UBE2Z: variants seen among roughly 807,000 people sequenced by gnomAD.
UBE2Z encodes the protein ubiquitin-conjugating enzyme E2 Z.
A neutral mutation model predicts 32.6 loss-of-function variants in UBE2Z; 10 were observed. The observed-to-expected ratio is 0.31, with a 90% CI of 0.19 to 0.52. The LOEUF (loss-of-function observed/expected upper bound fraction) is 0.52, where lower values mean the gene tolerates loss of function less well. UBE2Z is among the 20% of genes least tolerant of loss of function. The probability of loss-of-function intolerance (pLI) is 0.97; values close to 1 mark genes in which losing one functional copy is unlikely to be tolerated. For synonymous variants in UBE2Z, 183 were observed against 190.8 expected (o/e 0.96, Z 0.34); for missense variants, 343 against 480.9 (o/e 0.71, Z 2.68).
intron 2 of UBE2Z, chr17:48,912,352 T>C (rs985940741): frequency 1.9e-5 from 3 of 155,788 alleles, no homozygotes; most frequent in African/African-American, 7.2e-5. Flanking sequence ...TTGCATCATA[T>C]GCATGTTTGG....
chr17:48,912,508 T>C (rs1214568704), intron 2 of UBE2Z: 1 of 253,032 alleles, frequency 4.0e-6, no homozygotes, highest in Admixed American at 5.2e-5. Context: ...ATCAGGGAGG[T>C]CTGCACAAAA....
At chr17:48,918,311 A>G (rs554862286) in intron 4 of UBE2Z, among the ~76,000 whole-genome samples, 1 of 152,286 alleles carries the variant, frequency 6.6e-6, no homozygotes, top group African/African-American at 2.4e-5. Flanking sequence ...AACAAAGGAT[A>G]ATAAAATGCC....
intron 3 of UBE2Z, 60 bp downstream of exon 3, chr17:48,913,081 C>G: frequency 6.6e-7 from 1 of 1,526,458 alleles, no homozygotes; most frequent in Non-Finnish European, 9.0e-7. Flanking sequence ...TCTAGGTCAG[C>G]CTTTATCAAC....
At chr17:48,910,708 C>T in intron 1 of UBE2Z, 100 bp from the exon 2 acceptor site, 1 of 900,444 alleles carries the variant, frequency 1.1e-6, no homozygotes, top group Non-Finnish European at 1.9e-6. Context: ...CTTTCTCAAA[C>T]CCTGGCCTCA....
intron 2 of UBE2Z, chr17:48,912,516 A>C (rs1018731294): frequency 1.4e-5 from 4 of 278,922 alleles, no homozygotes; most frequent in East Asian, 6.4e-5. Context: ...GGTCTGCACA[A>C]AAAAAAAAAA....
Position 48,910,830 on chromosome 17 carries a change from G to T in UBE2Z, c.340G>T (p.Glu114Ter). 1 of 1,613,254 alleles carries T rather than the reference G, an allele frequency of 6.2e-7. No homozygotes were observed. The highest frequency in any genetic ancestry group is 8.5e-7 in the Non-Finnish European group (1 of 1,179,524). The change falls in exon 2 of 7, where the codon GAG (glutamate) becomes TAG (stop). Residue 114 changes from glutamate to a stop codon, truncating the protein, a stop_gained. Coordinates refer to ENST00000360943, the MANE Select transcript of UBE2Z (RefSeq NM_023079.5). LOFTEE classifies it high-confidence loss of function. Reference sequence around the variant, plus strand: ...CAGGGATATCATGTCCATTTATAAGGAGCCTCCTCCAGGAATGTTCGTTGT... The same window carrying T: ...CAGGGATATCATGTCCATTTATAAGTAGCCTCCTCCAGGAATGTTCGTTGT... The part of the protein sequence containing the change: ...IKRDIMSIYK[E>*]PPPGMFVVPD...
chr17:48,911,178 T>G (rs949171408), intron 2 of UBE2Z: 3 of 364,358 alleles, frequency 8.2e-6, no homozygotes, highest in African/African-American at 6.1e-5. Context: ...TGCTCCTGTT[T>G]GGATAATAAA....
intron 2 of UBE2Z, 82 bp downstream of exon 2, chr17:48,910,962 C>G (rs1270830829): frequency 1.5e-5 from 17 of 1,100,084 alleles, no homozygotes; most frequent in Non-Finnish European, 2.4e-5. Context: ...GATTATTCAG[C>G]TCACCTCTCC....
At chr17:48,913,178 A>T (rs936085495) in intron 3 of UBE2Z, among the ~76,000 whole-genome samples, 157 bp downstream of exon 3, 1 of 152,180 alleles carries the variant, frequency 6.6e-6, no homozygotes, top group South Asian at 2.1e-4. Flanking sequence ...GACTAGTATC[A>T]TTCTAGATGC....
intron 1 of UBE2Z, among the ~76,000 whole-genome samples, chr17:48,909,160 C>T (rs2040655132): frequency 6.6e-6 from 1 of 150,924 alleles, no homozygotes; most frequent in Non-Finnish European, 1.5e-5. Context: ...AACGCCCCCT[C>T]CCGCCTTCGG....
chr17:48,914,856 A>G (rs1329997529), intron 3 of UBE2Z, among the ~76,000 whole-genome samples: 1 of 152,082 alleles, frequency 6.6e-6, no homozygotes, highest in Non-Finnish European at 1.5e-5. Flanking sequence ...CCCCGTCTCT[A>G]CTAAAAATAC....
chr17:48,921,826 C>T lies in UBE2Z; in HGVS notation c.803+554C>T, dbSNP rs143812126. 4.0e-3 allele frequency among the ~76,000 whole-genome samples: 609 copies of T among 151,914 alleles called. 1 individual carries two copies. Among genetic ancestry groups the T allele is most frequent in the Non-Finnish European group, 6.3e-3 (428 of 67,950 alleles). On this transcript the variant is annotated intron_variant, in intron 5 of 6. Transcript: ENST00000360943. The stretch of plus-strand genomic sequence containing the variant: ...GGAGGATCACTTGAGCCCAAGAGTT[C>T]GAGACCAGCCTGGGCAACACAGGGA...
intron 6 of UBE2Z, among the ~76,000 whole-genome samples, chr17:48,924,733 C>CTCATGCCTG (rs2040785553): frequency 1.3e-5 from 2 of 148,612 alleles, no homozygotes; most frequent in South Asian, 4.3e-4. Flanking sequence ...GTAATCTCAG[C>CTCATGCCTG]TACTTGGGAA....
chr17:48,917,687 G>A (rs1299827965), intron 4 of UBE2Z, among the ~76,000 whole-genome samples: 2 of 152,170 alleles, frequency 1.3e-5, no homozygotes, highest in Non-Finnish European at 2.9e-5. Flanking sequence ...ATAATTTCTT[G>A]TTTAACCTTC....
intron 1 of UBE2Z, 142 bp downstream of exon 1, chr17:48,908,962 C>A (rs866439998): frequency 2.2e-5 from 11 of 509,268 alleles, no homozygotes; most frequent in African/African-American, 2.1e-4. Flanking sequence ...ATCTTGCCAG[C>A]TCCGGGCGTC....
chr17:48,909,419 C>T (rs974158615), intron 1 of UBE2Z, among the ~76,000 whole-genome samples: 1 of 152,022 alleles, frequency 6.6e-6, no homozygotes, highest in African/African-American at 2.4e-5. Context: ...ACCCCTTTTC[C>T]AGTGTCCCAA....
intron 4 of UBE2Z, among the ~76,000 whole-genome samples, chr17:48,919,110 A>T (rs1039609617): frequency 4.0e-5 from 6 of 151,020 alleles, no homozygotes; most frequent in East Asian, 1.9e-4. Context: ...TTATTTATTT[A>T]TTTTTTATTT....
intron 4 of UBE2Z, among the ~76,000 whole-genome samples, chr17:48,917,036 G>A (rs2040725681): frequency 6.6e-6 from 1 of 151,946 alleles, no homozygotes; most frequent in South Asian, 2.1e-4. Flanking sequence ...GCCAGGCGCG[G>A]TGGCTCACAC....
At chr17:48,912,643 A>G in intron 2 of UBE2Z, 191 bp from the exon 3 acceptor site, 1 of 587,750 alleles carries the variant, frequency 1.7e-6, no homozygotes, top group African/African-American at 1.8e-5. Flanking sequence ...CTGTAATGAG[A>G]TTTCTTAAAA....
Sources: allele counts gnomAD v4.1 joint callset (sites outside exome capture counted in the v4.1 genomes callset), GRCh38; gene constraint gnomAD v4.1.1; transcripts MANE v1.5; gene names NCBI Gene and HGNC (gene_info 2026-07-23, HGNC 2026-07-21).